Variants in RBCK1 observed in about 807,000 individuals in gnomAD.
RBCK1 encodes RANBP2-type and C3HC4-type zinc finger containing 1.
RBCK1 carries 44 observed loss-of-function variants against 71.1 expected under a neutral mutation model. The observed-to-expected ratio is 0.62, with a 90% CI of 0.49 to 0.80. The LOEUF is 0.80. Ranked by LOEUF, RBCK1 falls within the 30% of genes least tolerant of loss-of-function variation. The pLI is 0.00. For missense variants in RBCK1, 569 were observed against 685.0 expected, an observed-to-expected ratio of 0.83 and a Z score of 1.89; for synonymous variants, 306 against 279.7, an observed-to-expected ratio of 1.09 and a Z score of -0.94.
At chr20:419,530 T>C in intron 5 of RBCK1, 28 bp from the exon 6 acceptor site, 1 of 1,606,072 alleles carries the variant, frequency 6.2e-7, no homozygotes, top group South Asian at 1.1e-5. Flanking sequence ...CCCTGCCCAG[T>C]CGGGCTCACA....
intron 4 of RBCK1, among the ~76,000 whole-genome samples, chr20:418,661 C>CAA (rs2016174387): frequency 6.6e-6 from 1 of 152,244 alleles, no homozygotes; most frequent in African/African-American, 2.4e-5. Flanking sequence ...AGCCACCACG[C>CAA]CCAACCCACA....
rs2122348874 is a variant in RBCK1, at chr20:430,361, CA to C, written c.1465del (p.Thr489ProfsTer9). On this transcript the variant is annotated frameshift_variant, in exon 12 of 12. Transcript: ENST00000356286. LOFTEE classifies it high-confidence loss of function. The surrounding 1 kb of genome is among the most constrained non-coding windows in gnomAD (Gnocchi z 5.6). ...PRWGPGGPGD[T>X]SGGCRCRVNG... is the part of the protein sequence containing the mutation. Reference sequence around the variant, plus strand: ...CTCCCATCCTCTAGGGCCCAGGAGACACCAGCGGGGGCTGCCGCTGCAGGGT... The same window carrying C: ...CTCCCATCCTCTAGGGCCCAGGAGACCCAGCGGGGGCTGCCGCTGCAGGGT... The C allele has an allele frequency of 1.2e-5, 20 of 1,611,556 alleles. No individual in the cohort carries two copies. Among genetic ancestry groups the C allele is most frequent in the Non-Finnish European group, 1.7e-5 (20 of 1,177,758 alleles).
chr20:422,157 CCAGG>C lies in RBCK1; in HGVS notation c.949_952del (p.Gln317ArgfsTer28). On this transcript the variant is annotated frameshift_variant, in exon 8 of 12. Coordinates refer to ENST00000356286, the MANE Select transcript of RBCK1 (RefSeq NM_031229.4). LOFTEE classifies it high-confidence loss of function. This position sits in a 1 kb window ranked among gnomAD's most constrained non-coding sequence, Gnocchi z 5.0. ...GCCTGCAGGGCACCATCCGCAACAG[CCAGG>C]AGGCGGAGGTCTCCTGCCCCTTCAT... 1 of 1,612,844 alleles carries C rather than the reference CCAGG, an allele frequency of 6.2e-7. No individual in the cohort carries two copies. Among genetic ancestry groups the C allele is most frequent in the Non-Finnish European group, 8.5e-7 (1 of 1,179,870 alleles).
chr20:424,865 G>A (rs948812442), intron 8 of RBCK1, among the ~76,000 whole-genome samples: 1 of 152,212 alleles, frequency 6.6e-6, no homozygotes, highest in African/African-American at 2.4e-5. Context: ...GCCAAGTAAT[G>A]TAGTGGAGGT....
Position 419,560 on chromosome 20 carries a change from G to T in RBCK1, c.585G>T (p.Val195=). The part of the protein sequence containing the change: ...QPDAVPEPPP[V]GWQCPGCTFI... ...CTCACAGCACCCTCTGCTCCCAGGT[G>T]GGCTGGCAGTGCCCCGGGTGCACCT... The change falls in exon 6 of 12, where the codon GTG becomes GTT. Residue 195 remains valine (V), a splice_region_variant and synonymous_variant. Transcript: ENST00000356286. 6.2e-7 allele frequency: 1 copy of T among 1,606,468 alleles called. No homozygotes were observed. The highest frequency in any genetic ancestry group is 2.2e-5 in the East Asian group (1 of 44,634).
At chr20:420,518 C>T in intron 6 of RBCK1, 1 of 984,528 alleles carries the variant, frequency 1.0e-6, no homozygotes, top group African/African-American at 1.8e-5. Flanking sequence ...ACTCACCACT[C>T]AGACCCCGGC....
chr20:416,818 GA>G (rs1230049699), intron 2 of RBCK1, among the ~76,000 whole-genome samples: 1 of 152,168 alleles, frequency 6.6e-6, no homozygotes, highest in East Asian at 1.9e-4. Context: ...GCAACATAGT[GA>G]GACCCTGTCT....
At position 431,176 on chromosome 20, in the gene RBCK1, C is replaced by T. The variant is rs886453392; in HGVS notation, c.*746C>T. 4.6e-5 allele frequency among the ~76,000 whole-genome samples: 7 copies of T among 152,154 alleles called. No homozygotes were observed. The highest frequency in any genetic ancestry group is 1.0e-4 in the Non-Finnish European group (7 of 68,030). Reference sequence around the variant, plus strand: ...AGGGGCAAGGATGCTCTTGGGTCACCGTCAGCCAGGACAGGTGGAGTGTGC... The same window carrying T: ...AGGGGCAAGGATGCTCTTGGGTCACTGTCAGCCAGGACAGGTGGAGTGTGC... On this transcript the variant is annotated 3_prime_UTR_variant, in exon 12 of 12. Coordinates refer to ENST00000356286, the MANE Select transcript of RBCK1 (RefSeq NM_031229.4). This position sits in a 1 kb window ranked among gnomAD's most constrained non-coding sequence, Gnocchi z 4.8.
At position 420,920 on chromosome 20, in the gene RBCK1, A is replaced by G; in HGVS notation, c.806A>G (p.Asp269Gly). 6.4e-7 allele frequency: 1 copy of G among 1,554,460 alleles called. No homozygotes were observed. The highest frequency in any genetic ancestry group is 8.7e-7 in the Non-Finnish European group (1 of 1,151,066). The change falls in exon 7 of 12, where the codon GAC becomes GGC. Residue 269 changes from aspartate to glycine, a missense_variant. Physicochemically the swap from Asp to Gly is moderately conservative, Grantham distance 94. Coordinates refer to ENST00000356286, the MANE Select transcript of RBCK1 (RefSeq NM_031229.4). Reference protein sequence around the residue: ...EGNYLQHVQLDQRSLVLNTEP... With the variant: ...EGNYLQHVQLGQRSLVLNTEP... ...AACTACCTGCAGCACGTCCAGCTGG[A>G]CCAGAGGAGCCTGGTGCTGAACACG... is the stretch of plus-strand genomic sequence containing the variant.
intron 7 of RBCK1, among the ~76,000 whole-genome samples, chr20:421,383 C>G (rs2016431952): frequency 6.6e-6 from 1 of 152,214 alleles, no homozygotes; most frequent in Non-Finnish European, 1.5e-5. Flanking sequence ...GGCCCCCCCA[C>G]CCCTGAATGT....
At chr20:415,258 C>T (rs1352351778) in intron 2 of RBCK1, among the ~76,000 whole-genome samples, 2 of 152,012 alleles carry the variant, frequency 1.3e-5, no homozygotes, top group Non-Finnish European at 2.9e-5. Flanking sequence ...GTCCCAGCTA[C>T]CCAGGAGGCT....
Position 430,505 on chromosome 20 carries a change from G to C in RBCK1, c.*75G>C, listed in dbSNP as rs1249750184. The stretch of plus-strand genomic sequence containing the variant: ...GTTAGAATGTAGCTCAGGGAGCTTC[G>C]TGGACGGCCTTGCTTGCTGTAGCGT... On this transcript the variant is annotated 3_prime_UTR_variant, in exon 12 of 12. Coordinates refer to ENST00000356286, the MANE Select transcript of RBCK1 (RefSeq NM_031229.4). This position sits in a 1 kb window ranked among gnomAD's most constrained non-coding sequence, Gnocchi z 5.6. 3 of 1,458,744 alleles carry C rather than the reference G, an allele frequency of 2.1e-6. No individual in the cohort carries two copies. The highest frequency in any genetic ancestry group is 1.4e-5 in the African/African-American group (1 of 71,572). The allele number at this position is 1,458,744 out of a possible 1,614,324, so 90.4% of individuals were successfully genotyped here.
At chr20:410,359 C>T (rs1030569849) in intron 2 of RBCK1, 1 of 768,832 alleles carries the variant, frequency 1.3e-6, no homozygotes, top group Middle Eastern at 2.8e-4. Context: ...CTGCTCCCGA[C>T]AGTCCTCAGA....
At chr20:415,607 A>G (rs896744769) in intron 2 of RBCK1, among the ~76,000 whole-genome samples, 9 of 152,052 alleles carry the variant, frequency 5.9e-5, no homozygotes, top group Middle Eastern at 3.4e-3. Flanking sequence ...TTTTTTTTTA[A>G]GAAACCTGGT....
At chr20:418,653 C>A (rs1284430513) in intron 4 of RBCK1, among the ~76,000 whole-genome samples, 1 of 152,234 alleles carries the variant, frequency 6.6e-6, no homozygotes, top group Non-Finnish European at 1.5e-5. Context: ...CAGGCGTGAG[C>A]CACCACGCCC....
Position 418,604 on chromosome 20 carries a change from G to A in RBCK1, c.460+674G>A, listed in dbSNP as rs528821769. On this transcript the variant is annotated intron_variant, in intron 4 of 11. Coordinates refer to ENST00000356286, the MANE Select transcript of RBCK1 (RefSeq NM_031229.4). ...AGGATGGTCTCGATCTCCTGACTTT[G>A]TGATCCGCCCGCCTCGGCCTCCCAA... Among the ~76,000 whole-genome samples the A allele has an allele frequency of 5.8e-4, 89 of 152,248 alleles. No homozygotes were observed. The East Asian group carries it at 9.3e-3, about 16-fold the overall frequency.
At position 419,713 on chromosome 20, in the gene RBCK1, G is replaced by T. The variant is rs2281553; in HGVS notation, c.738G>T (p.Ala246=). 183 of 1,563,102 alleles carry T rather than the reference G, an allele frequency of 1.2e-4. No homozygotes were observed. In the East Asian group the frequency reaches 2.8e-3, roughly 24 times the overall value. Reference sequence around the variant, plus strand: ...CGCGCCTGGCGGGCGAGGAGGAGGCGCTGCGTCAGTACCAGCAGGTGGGCG... The same window carrying T: ...CGCGCCTGGCGGGCGAGGAGGAGGCTCTGCGTCAGTACCAGCAGGTGGGCG... The part of the protein sequence containing the change: ...ERARLAGEEE[A]LRQYQQRKQQ... Residue 246 remains alanine, a synonymous_variant, in exon 6 of 12, where the codon GCG becomes GCT. Coordinates refer to ENST00000356286, the MANE Select transcript of RBCK1 (RefSeq NM_031229.4).
rs145423115 is a variant in RBCK1 at position 429,032 on chromosome 20, C to T, written c.1390C>T (p.Arg464Cys). The T allele has an allele frequency of 2.5e-4, 410 of 1,612,410 alleles. 1 individual carries two copies. The highest frequency in any genetic ancestry group is 5.1e-4 in the Middle Eastern group (3 of 5,920). Reference sequence around the variant, plus strand: ...GAAGAAGGACGGCTGCGACTGGATCCGCTGCACCGTCTGCCACACCGAGAT... The same window carrying T: ...GAAGAAGGACGGCTGCGACTGGATCTGCTGCACCGTCTGCCACACCGAGAT... ...VQKKDGCDWIRCTVCHTEICW... is the reference protein window; with the variant it reads ...VQKKDGCDWICCTVCHTEICW... Residue 464 changes from arginine (R) to cysteine (C), a missense_variant, in exon 11 of 12, where the codon CGC becomes TGC. This residue lies in a region of RBCK1 where 211 missense variants were observed against 309.4 expected (regional missense o/e 0.68). Transcript: ENST00000356286.
At chr20:416,955 C>A (rs575744845) in intron 2 of RBCK1, among the ~76,000 whole-genome samples, 5 of 152,300 alleles carry the variant, frequency 3.3e-5, no homozygotes, top group African/African-American at 1.2e-4. Context: ...CACTACTGCA[C>A]TCCAGCCTGG....
Sources: allele counts gnomAD v4.1 joint callset (sites outside exome capture counted in the v4.1 genomes callset), GRCh38; gene constraint gnomAD v4.1.1; regional missense constraint gnomAD v4.1.1; non-coding constraint Gnocchi (gnomAD v3.1); transcripts MANE v1.5; gene names NCBI Gene and HGNC (gene_info 2026-07-23, HGNC 2026-07-21).